Variants in APPBP2 observed in about 807,000 individuals in gnomAD.
The protein encoded by APPBP2 is amyloid protein-binding protein 2.
A neutral mutation model predicts 76.0 loss-of-function variants in APPBP2; 15 were observed. The observed-to-expected ratio is 0.20, with a 90% CI of 0.13 to 0.30. The LOEUF is 0.30. APPBP2 is among the 10% of genes least tolerant of loss of function. The pLI is 1.00. For missense variants in APPBP2, 401 were observed against 687.2 expected, an observed-to-expected ratio of 0.58 and a Z score of 4.66; for synonymous variants, 222 against 242.2, an observed-to-expected ratio of 0.92 and a Z score of 0.77.
At chr17:60,498,975 TA>T (rs886126366) in intron 2 of APPBP2, among the ~76,000 whole-genome samples, 23 of 152,268 alleles carry the variant, frequency 1.5e-4, no homozygotes, top group African/African-American at 5.5e-4. Context: ...AAATAATTTC[TA>T]AACCACATAA....
chr17:60,467,574 T>C (rs1481509567), intron 4 of APPBP2, among the ~76,000 whole-genome samples: 1 of 152,118 alleles, frequency 6.6e-6, no homozygotes. Context: ...TATGTTCTAG[T>C]GGTGAGAAGG....
chr17:60,521,225 T>C (rs1381646022), intron 1 of APPBP2, among the ~76,000 whole-genome samples: 3 of 152,220 alleles, frequency 2.0e-5, no homozygotes, highest in African/African-American at 7.2e-5. Context: ...AACAACCGAC[T>C]GCATATAAAA....
At chr17:60,495,278 G>A (rs968075664) in intron 2 of APPBP2, among the ~76,000 whole-genome samples, 14 of 151,814 alleles carry the variant, frequency 9.2e-5, no homozygotes, top group East Asian at 3.9e-4. Flanking sequence ...GAGCCACCAC[G>A]CCTGGCTGAT....
At chr17:60,468,616 T>C (rs2090528418) in intron 4 of APPBP2, 1 of 151,906 alleles carries the variant, frequency 6.6e-6, no homozygotes, top group Non-Finnish European at 1.5e-5. Flanking sequence ...TGAATGTCTA[T>C]TTAAACAAAA....
chr17:60,487,320 TCGGGTACAC>T (rs2090687922), intron 3 of APPBP2, among the ~76,000 whole-genome samples: 1 of 152,216 alleles, frequency 6.6e-6, no homozygotes. Flanking sequence ...CCCGTCACTT[TCGGGTACAC>T]CAATCAAACG....
At chr17:60,457,109 T>C (rs1442331791) in intron 9 of APPBP2, among the ~76,000 whole-genome samples, 2 of 147,398 alleles carry the variant, frequency 1.4e-5, no homozygotes, top group African/African-American at 5.2e-5. Context: ...TACTCCAGCA[T>C]GAGTGACAAA....
At chr17:60,511,281 G>C (rs2090910209) in intron 1 of APPBP2, among the ~76,000 whole-genome samples, 1 of 152,148 alleles carries the variant, frequency 6.6e-6, no homozygotes, top group South Asian at 2.1e-4. Context: ...GGATAGGGCA[G>C]TATAGCTATA....
intron 3 of APPBP2, among the ~76,000 whole-genome samples, chr17:60,480,718 C>T (rs1368706599): frequency 2.0e-5 from 3 of 152,116 alleles, no homozygotes; most frequent in African/African-American, 7.2e-5. Context: ...AATACTGTCT[C>T]TCAGCTTCAA....
At chr17:60,475,969 T>C (rs2090588061) in intron 4 of APPBP2, among the ~76,000 whole-genome samples, 1 of 152,118 alleles carries the variant, frequency 6.6e-6, no homozygotes, top group Admixed American at 6.5e-5. Context: ...GTTGCGGGTG[T>C]GATTTTAAGT....
chr17:60,503,577 G>C, intron 1 of APPBP2, among the ~76,000 whole-genome samples: 1 of 145,596 alleles, frequency 6.9e-6, no homozygotes, highest in East Asian at 1.9e-4. Context: ...GTAGAGATGG[G>C]GTTTCACCAT....
At chr17:60,492,406 T>C (rs1383227714) in intron 3 of APPBP2, among the ~76,000 whole-genome samples, 3 of 152,142 alleles carry the variant, frequency 2.0e-5, no homozygotes, top group Non-Finnish European at 4.4e-5. Context: ...GCAGATCCAC[T>C]GAAAGCTTGC....
intron 1 of APPBP2, chr17:60,513,108 G>A (rs558331016): frequency 2.3e-5 from 6 of 258,120 alleles, no homozygotes; most frequent in South Asian, 1.2e-4. Context: ...GCTGTGCAGC[G>A]CCTGAAACCC....
intron 4 of APPBP2, among the ~76,000 whole-genome samples, chr17:60,474,234 A>C (rs1206623966): frequency 2.7e-5 from 4 of 150,866 alleles, no homozygotes; most frequent in Admixed American, 1.3e-4. Flanking sequence ...GCAATGGTGC[A>C]ATCTTGACTC....
chr17:60,481,416 C>T (rs1305829673), intron 3 of APPBP2, among the ~76,000 whole-genome samples: 1 of 152,132 alleles, frequency 6.6e-6, no homozygotes, highest in East Asian at 1.9e-4. Context: ...CACAGTGAGA[C>T]CCTGTCTCCT....
intron 3 of APPBP2, among the ~76,000 whole-genome samples, chr17:60,486,323 T>A (rs2090677418): frequency 6.6e-6 from 1 of 152,204 alleles, no homozygotes. Flanking sequence ...TATTATTATG[T>A]GGGAGTCTAA....
At chr17:60,503,781 G>A (rs113317872) in intron 1 of APPBP2, among the ~76,000 whole-genome samples, 2,308 of 146,870 alleles carry the variant, frequency 0.016, 73 homozygotes, top group Non-Finnish European at 0.024. Context: ...ACTGTTGTCA[G>A]TGCTTTTCAT....
chr17:60,511,050 G>GGC (rs2090908303), intron 1 of APPBP2, among the ~76,000 whole-genome samples: 2 of 152,174 alleles, frequency 1.3e-5, no homozygotes, highest in East Asian at 3.8e-4. Flanking sequence ...TAATTTTCAA[G>GGC]ATAGTATGAT....
intron 1 of APPBP2, among the ~76,000 whole-genome samples, chr17:60,525,069 G>C (rs1423041834): frequency 1.3e-5 from 2 of 152,178 alleles, no homozygotes; most frequent in Non-Finnish European, 2.9e-5. Context: ...ATTTAAGAAT[G>C]CTGCAAGATT....
chr17:60,464,300 CT>C (rs1163508923), intron 5 of APPBP2, among the ~76,000 whole-genome samples, 190 bp from the exon 6 acceptor site: 2 of 152,316 alleles, frequency 1.3e-5, no homozygotes, highest in African/African-American at 4.8e-5. Flanking sequence ...CTCTTAATAT[CT>C]ATAGCTTATC....
Sources: gnomAD v4.1 joint callset for allele counts (sites outside exome capture counted in the v4.1 genomes callset) on GRCh38, gnomAD v4.1.1 for gene constraint, MANE v1.5 for transcripts, NCBI Gene and HGNC (gene_info 2026-07-23, HGNC 2026-07-21) for gene names.